The following AFF3 variants were observed in gnomAD, a reference collection of about 807,000 sequenced individuals.
The protein encoded by AFF3 is ALF transcription elongation factor 3, also known as AF4/FMR2 family member 3.
AFF3 carries 32 observed loss-of-function variants against 129.7 expected under a neutral mutation model. The observed-to-expected ratio is 0.25, with a 90% CI of 0.19 to 0.33. The LOEUF (loss-of-function observed/expected upper bound fraction) is 0.33. AFF3 is among the 10% of genes least tolerant of loss of function. The pLI is 1.00. For missense variants in AFF3, 1,373 were observed against 1,592.0 expected, an observed-to-expected ratio of 0.86 and a Z score of 2.34; for synonymous variants, 644 against 635.4, an observed-to-expected ratio of 1.01 and a Z score of -0.20.
At chr2:100,011,927 G>T (rs1431763284) in intron 4 of AFF3, among the ~76,000 whole-genome samples, 1 of 152,112 alleles carries the variant, frequency 6.6e-6, no homozygotes, top group Non-Finnish European at 1.5e-5. Context: ...TGAGAGAAAA[G>T]ATGCTCCTCT....
At chr2:99,968,841 C>A (rs1678054565) in intron 7 of AFF3, among the ~76,000 whole-genome samples, 1 of 152,252 alleles carries the variant, frequency 6.6e-6, no homozygotes, top group Admixed American at 6.5e-5. Context: ...CCTCCCTCTA[C>A]CTCTCTTTGC....
At position 99,709,099 on chromosome 2, in the gene AFF3, C is replaced by T. The variant is rs1049375604; in HGVS notation, c.1091+17978G>A. On this transcript the variant is annotated intron_variant, in intron 11 of 24. Transcript: ENST00000672756. ...TGTGAGAAAAAGTATGGGCTCTAGGCGGGTGCAGAGTCAGGTGCTCTAGCA... is the reference window on the plus strand; with the variant it reads ...TGTGAGAAAAAGTATGGGCTCTAGGTGGGTGCAGAGTCAGGTGCTCTAGCA... Among the ~76,000 whole-genome samples, 5 of 152,122 alleles carry T rather than the reference C, an allele frequency of 3.3e-5. No homozygotes were observed. In the South Asian group the frequency reaches 6.2e-4, roughly 19 times the overall value.
intron 11 of AFF3, among the ~76,000 whole-genome samples, chr2:99,688,666 G>A (rs1675310545): frequency 6.6e-6 from 1 of 152,066 alleles, no homozygotes; most frequent in Non-Finnish European, 1.5e-5. Context: ...CAGAGCTGCT[G>A]TCACCCTAGG....
chr2:99,896,539 A>G (rs1311581627), intron 7 of AFF3, among the ~76,000 whole-genome samples: 1 of 149,598 alleles, frequency 6.7e-6, no homozygotes, highest in Non-Finnish European at 1.5e-5. Flanking sequence ...TTTCCAGCTG[A>G]AGTGAAGCAG....
chr2:99,661,467 TG>T, intron 12 of AFF3, among the ~76,000 whole-genome samples: 1 of 152,384 alleles, frequency 6.6e-6, no homozygotes, highest in African/African-American at 2.4e-5. Context: ...CCAAATTTGA[TG>T]GATCATGTTT....
chr2:99,715,216 C>A (rs1359751161), intron 11 of AFF3, among the ~76,000 whole-genome samples: 1 of 152,190 alleles, frequency 6.6e-6, no homozygotes, highest in Non-Finnish European at 1.5e-5. Context: ...TCAGCCCTAG[C>A]TTCATGAGAT....
chr2:99,570,632 C>T (rs1676390326), intron 18 of AFF3, among the ~76,000 whole-genome samples: 2 of 152,206 alleles, frequency 1.3e-5, no homozygotes, highest in South Asian at 4.1e-4. Context: ...CATCACATCA[C>T]CATCCTGCTC....
At chr2:99,907,813 A>G (rs1694823028) in intron 7 of AFF3, among the ~76,000 whole-genome samples, 1 of 152,088 alleles carries the variant, frequency 6.6e-6, no homozygotes, top group Non-Finnish European at 1.5e-5. Context: ...CTCTTAATAT[A>G]AAACAAATAC....
At chr2:99,785,869 TC>T (rs1231307402) in intron 8 of AFF3, among the ~76,000 whole-genome samples, 1 of 152,168 alleles carries the variant, frequency 6.6e-6, no homozygotes, top group African/African-American at 2.4e-5. Flanking sequence ...TGCCTCAGCC[TC>T]CCGGGTAGCT....
intron 11 of AFF3, among the ~76,000 whole-genome samples, chr2:99,712,582 T>C (rs982368835): frequency 2.0e-5 from 3 of 152,228 alleles, no homozygotes; most frequent in African/African-American, 7.2e-5. Flanking sequence ...TGTGCAATTG[T>C]GACCTGCATT....
chr2:99,988,087 T>A (rs1050055604), intron 7 of AFF3, among the ~76,000 whole-genome samples: 14 of 151,614 alleles, frequency 9.2e-5, no homozygotes, highest in African/African-American at 3.4e-4. Context: ...ATATGATGGA[T>A]GGATGAATGG....
At position 99,905,375 on chromosome 2, in the gene AFF3, G is replaced by A. The variant is rs556979457; in HGVS notation, c.874-67851C>T. Among the ~76,000 whole-genome samples, 50 of 152,152 alleles carry A rather than the reference G, an allele frequency of 3.3e-4. 1 individual carries two copies. The highest frequency in any genetic ancestry group is 4.4e-4 in the Non-Finnish European group (30 of 68,028). On this transcript the variant is annotated intron_variant, in intron 7 of 24. Transcript: ENST00000672756. ...GTGACCATCAACACAGAAGGCCAAG[G>A]ATGGTCACCCATGAGCCTGCCTCAA...
At chr2:100,084,294 T>G (rs1689257442) in intron 4 of AFF3, among the ~76,000 whole-genome samples, 1 of 152,240 alleles carries the variant, frequency 6.6e-6, no homozygotes, top group South Asian at 2.1e-4. Flanking sequence ...TGCACTTAAC[T>G]GTACTAAACA....
At chr2:99,939,922 G>C (rs1674869701) in intron 7 of AFF3, among the ~76,000 whole-genome samples, 1 of 152,190 alleles carries the variant, frequency 6.6e-6, no homozygotes, top group Non-Finnish European at 1.5e-5. Flanking sequence ...AATGATGGGT[G>C]TATTGTTCTG....
intron 2 of AFF3, among the ~76,000 whole-genome samples, chr2:100,119,259 G>A (rs1691853624): frequency 6.6e-6 from 1 of 152,152 alleles, no homozygotes; most frequent in South Asian, 2.1e-4. Flanking sequence ...AAAGTGCACT[G>A]GTAAAGTCCC....
chr2:99,698,616 T>C (rs1425953363), intron 11 of AFF3, among the ~76,000 whole-genome samples: 3 of 152,364 alleles, frequency 2.0e-5, no homozygotes, highest in Admixed American at 6.5e-5. Flanking sequence ...ATTTTTTACA[T>C]ATTTACCAGC....
chr2:99,560,495 A>ATACT (rs776338159), intron 20 of AFF3, 59 bp from the exon 21 acceptor site: 18 of 1,508,164 alleles, frequency 1.2e-5, no homozygotes, highest in Non-Finnish European at 1.6e-5. Context: ...AGAAATAGTA[A>ATACT]AACTAGCTTT....
At chr2:99,585,289 A>G (rs1167831810) in intron 16 of AFF3, among the ~76,000 whole-genome samples, 2 of 152,184 alleles carry the variant, frequency 1.3e-5, no homozygotes, top group Non-Finnish European at 2.9e-5. Context: ...CATCACTGCA[A>G]GTTTATATAT....
chr2:100,124,955 G>T (rs1296092223), intron 2 of AFF3, among the ~76,000 whole-genome samples: 2 of 152,098 alleles, frequency 1.3e-5, no homozygotes, highest in Non-Finnish European at 2.9e-5. Flanking sequence ...ATATTAAAAA[G>T]AACACATTCC....
Sources: gnomAD v4.1 joint callset for allele counts (sites outside exome capture counted in the v4.1 genomes callset) on GRCh38, gnomAD v4.1.1 for gene constraint, MANE v1.5 for transcripts, NCBI Gene and HGNC (gene_info 2026-07-23, HGNC 2026-07-21) for gene names.